Variants in FNDC3B observed in about 807,000 individuals in gnomAD.
FNDC3B encodes the protein fibronectin type III domain-containing protein 3B.
Under a neutral mutation model 151.5 loss-of-function variants are expected in FNDC3B, and 12 were observed. The observed-to-expected ratio is 0.08, with a 90% CI of 0.05 to 0.13. FNDC3B has a LOEUF of 0.13. Among genes scored for constraint, FNDC3B ranks in the 10% least tolerant of loss-of-function variants. The probability of loss-of-function intolerance (pLI) is 1.00; values close to 1 mark genes in which losing one functional copy is unlikely to be tolerated. For missense variants in FNDC3B, 1,214 were observed against 1,505.3 expected (o/e 0.81, Z 3.20); for synonymous variants, 528 against 549.0 (o/e 0.96, Z 0.54).
chr3:172,247,052 G>C (rs936909053), intron 4 of FNDC3B, among the ~76,000 whole-genome samples: 1 of 152,182 alleles, frequency 6.6e-6, no homozygotes, highest in Non-Finnish European at 1.5e-5. Context: ...TGATGGAACT[G>C]TGCATGTTAA....
At chr3:172,177,380 G>A (rs892192068) in intron 3 of FNDC3B, among the ~76,000 whole-genome samples, 2 of 152,150 alleles carry the variant, frequency 1.3e-5, no homozygotes, top group Non-Finnish European at 2.9e-5. Flanking sequence ...GATAGAAGTT[G>A]CAACTTTTTT....
chr3:172,238,258 T>G (rs939363142), intron 4 of FNDC3B, among the ~76,000 whole-genome samples: 4 of 152,160 alleles, frequency 2.6e-5, no homozygotes, highest in African/African-American at 9.7e-5. Flanking sequence ...CTTGCTCAAG[T>G]GATCCTCCCA....
intron 7 of FNDC3B, among the ~76,000 whole-genome samples, chr3:172,292,756 C>T (rs779072322): frequency 1.0e-3 from 154 of 152,058 alleles, no homozygotes; most frequent in Non-Finnish European, 1.8e-3. Flanking sequence ...TTATCTCCCA[C>T]GTTAAAAATA....
intron 4 of FNDC3B, among the ~76,000 whole-genome samples, chr3:172,229,127 A>G (rs1194825332): frequency 6.7e-6 from 1 of 148,920 alleles, no homozygotes; most frequent in Non-Finnish European, 1.5e-5. Flanking sequence ...ACACACACAC[A>G]CACACACACA....
intron 3 of FNDC3B, among the ~76,000 whole-genome samples, chr3:172,190,683 T>G (rs1197116040): frequency 1.3e-5 from 2 of 151,900 alleles, no homozygotes; most frequent in Non-Finnish European, 2.9e-5. Context: ...GTTTTGTTTT[T>G]TTGAGATGGA....
rs943742531 is a variant in FNDC3B at position 172,094,455 on chromosome 3, C to A, written c.-28-17997C>A. ...TCTACTTTGCATAATATTTTCAGGG[C>A]TCATCTATGCTGTAGCATGTATCAG... On this transcript the variant is annotated intron_variant, in intron 1 of 25. Transcript: ENST00000415807. Among the ~76,000 whole-genome samples, 6 of 152,142 alleles carry A rather than the reference C, an allele frequency of 3.9e-5. No individual in the cohort carries two copies. The East Asian group carries it at 5.8e-4, about 15-fold the overall frequency.
intron 3 of FNDC3B, among the ~76,000 whole-genome samples, chr3:172,144,362 G>A (rs912255139): frequency 6.6e-6 from 1 of 152,164 alleles, no homozygotes; most frequent in African/African-American, 2.4e-5. Context: ...GATTTGGAGG[G>A]GACAGAGATC....
intron 3 of FNDC3B, among the ~76,000 whole-genome samples, chr3:172,204,782 T>C (rs1241705612): frequency 6.6e-6 from 1 of 152,204 alleles, no homozygotes. Context: ...ACAGAGCCCA[T>C]GGAAAAGATG....
intron 23 of FNDC3B, among the ~76,000 whole-genome samples, chr3:172,374,679 C>G (rs1735046060): frequency 6.6e-6 from 1 of 152,204 alleles, no homozygotes; most frequent in Non-Finnish European, 1.5e-5. Flanking sequence ...AGGCCTGAGC[C>G]ACTGTGCCCG....
chr3:172,171,525 A>G (rs1444880012), intron 3 of FNDC3B, among the ~76,000 whole-genome samples: 1 of 151,580 alleles, frequency 6.6e-6, no homozygotes, highest in Non-Finnish European at 1.5e-5. Context: ...GTATTGGTGG[A>G]GATGGGGTTG....
At chr3:172,229,676 G>A (rs529438766) in intron 4 of FNDC3B, among the ~76,000 whole-genome samples, 1 of 152,210 alleles carries the variant, frequency 6.6e-6, no homozygotes, top group East Asian at 1.9e-4. Flanking sequence ...CTAGAATACT[G>A]CGTGGCACAA....
chr3:172,269,427 TAAA>T (rs34879174), intron 6 of FNDC3B, among the ~76,000 whole-genome samples: 1 of 141,448 alleles, frequency 7.1e-6, no homozygotes, highest in African/African-American at 2.9e-5. Flanking sequence ...GCTGGCTAAT[TAAA>T]AAAAATTTTT....
chr3:172,337,593 G>A, intron 16 of FNDC3B, 192 bp downstream of exon 16: 2 of 496,484 alleles, frequency 4.0e-6, no homozygotes, highest in Admixed American at 3.8e-5. Flanking sequence ...GAGTCTACTT[G>A]AAACTTACAT....
chr3:172,257,679 C>T (rs879470090), intron 6 of FNDC3B, among the ~76,000 whole-genome samples: 19 of 152,228 alleles, frequency 1.2e-4, no homozygotes, highest in South Asian at 2.1e-4. Context: ...TGTCACCCTC[C>T]ACAAGGCTTT....
intron 25 of FNDC3B, among the ~76,000 whole-genome samples, chr3:172,395,780 A>C (rs1392763352): frequency 6.6e-6 from 1 of 152,254 alleles, no homozygotes. Context: ...AGACTTGTAC[A>C]TATTATTCAC....
chr3:172,083,522 G>T (rs2108501546), intron 1 of FNDC3B, among the ~76,000 whole-genome samples: 1 of 152,286 alleles, frequency 6.6e-6, no homozygotes. Context: ...ATACAAAATG[G>T]CAGGATATGT....
chr3:172,327,900 A>G (rs1732438431), intron 11 of FNDC3B, among the ~76,000 whole-genome samples: 1 of 152,248 alleles, frequency 6.6e-6, no homozygotes, highest in Non-Finnish European at 1.5e-5. Context: ...AACTTCAGAC[A>G]CATTGCTCAA....
At chr3:172,222,548 G>A (rs954236701) in intron 3 of FNDC3B, among the ~76,000 whole-genome samples, 3 of 152,288 alleles carry the variant, frequency 2.0e-5, no homozygotes, top group East Asian at 3.9e-4. Context: ...ATTTTTCCAC[G>A]GATTGGGGGT....
chr3:172,311,595 G>A (rs558080844), intron 11 of FNDC3B, among the ~76,000 whole-genome samples: 33 of 151,764 alleles, frequency 2.2e-4, no homozygotes, highest in African/African-American at 7.7e-4. Flanking sequence ...GGTCGGGCGC[G>A]ATGACTCACG....
Sources: allele counts gnomAD v4.1 joint callset (sites outside exome capture counted in the v4.1 genomes callset), GRCh38; gene constraint gnomAD v4.1.1; transcripts MANE v1.5; gene names NCBI Gene and HGNC (gene_info 2026-07-23, HGNC 2026-07-21).